Variants in CTCF observed in about 807,000 individuals in gnomAD.
CTCF encodes CCCTC-binding factor.
A neutral mutation model predicts 72.3 loss-of-function variants in CTCF; 7 were observed. The observed-to-expected ratio is 0.10, with a 90% confidence interval of 0.06 to 0.18. The LOEUF is 0.18. CTCF is among the 10% of genes least tolerant of loss of function. CTCF has a pLI of 1.00. For synonymous variants in CTCF, 374 were observed against 315.8 expected (o/e 1.18, Z -1.95); for missense variants, 516 against 949.1 (o/e 0.54, Z 6.00).
chr16:67,565,251 C>T (rs957494246), intron 1 of CTCF, among the ~76,000 whole-genome samples: 1 of 152,174 alleles, frequency 6.6e-6, no homozygotes, highest in Non-Finnish European at 1.5e-5. Context: ...ATCCACCCGC[C>T]TCAGCCTCCC....
chr16:67,601,255 T>TG (rs1491534855), intron 2 of CTCF, among the ~76,000 whole-genome samples: 31 of 126,522 alleles, frequency 2.5e-4, no homozygotes, highest in African/African-American at 8.5e-4. Flanking sequence ...TGTGTGTGTG[T>TG]TTTGTTTTGT....
At chr16:67,584,428 C>T (rs901431263) in intron 2 of CTCF, among the ~76,000 whole-genome samples, 1 of 148,548 alleles carries the variant, frequency 6.7e-6, no homozygotes, top group Admixed American at 6.7e-5. Context: ...GCAACCTCTG[C>T]CCCCCAGGTT....
chr16:67,564,832 T>C (rs1374128851), intron 1 of CTCF, among the ~76,000 whole-genome samples: 1 of 152,248 alleles, frequency 6.6e-6, no homozygotes, highest in Non-Finnish European at 1.5e-5. Flanking sequence ...GTCATCAGCT[T>C]CTTGGGTTTA....
rs189970885 is a variant in CTCF at position 67,637,303 on chromosome 16, G to A, written c.2000-385G>A. Among the ~76,000 whole-genome samples the A allele has an allele frequency of 7.7e-4, 118 of 152,286 alleles. 1 individual carries two copies. Among genetic ancestry groups the A allele is most frequent in the East Asian group, 6.0e-3 (31 of 5,180 alleles). On this transcript the variant is annotated intron_variant, in intron 11 of 11. Coordinates refer to ENST00000264010, the MANE Select transcript of CTCF (RefSeq NM_006565.4). ...TCCCAGCACTTTGGGGGGCCAAGGC[G>A]GGAGGATCACCTGAGGTCAGTAGTT...
rs1597735305 is a variant in CTCF at position 67,639,011 on chromosome 16, A to G, written c.*1139A>G. 4.9e-6 allele frequency: 1 copy of G among 203,166 alleles called. No homozygotes were observed. Among genetic ancestry groups the G allele is most frequent in the Non-Finnish European group, 1.0e-5 (1 of 98,636 alleles). 12.6% of individuals were successfully genotyped at this position (203,166 alleles called of 1,614,324 possible). On this transcript the variant is annotated 3_prime_UTR_variant, in exon 12 of 12. Transcript: ENST00000264010. ...CTTTTAAGAGAGCCATCAGTTAGCT[A>G]TCAGACTCTAGGTTGATGCATTTTG...
intron 2 of CTCF, among the ~76,000 whole-genome samples, chr16:67,578,990 C>T (rs1360098242): frequency 1.3e-5 from 2 of 151,034 alleles, no homozygotes; most frequent in African/African-American, 4.9e-5. Context: ...CGTGGTGGCT[C>T]ACGCCTGTAA....
At chr16:67,574,184 C>A (rs779929761) in intron 2 of CTCF, among the ~76,000 whole-genome samples, 3 of 152,144 alleles carry the variant, frequency 2.0e-5, no homozygotes, top group Non-Finnish European at 4.4e-5. Context: ...ACCACCTGTC[C>A]TTCCTACCAG....
chr16:67,622,724 A>G (rs1597722118), intron 7 of CTCF, among the ~76,000 whole-genome samples: 1 of 138,380 alleles, frequency 7.2e-6, no homozygotes, highest in Non-Finnish European at 1.5e-5. Context: ...GCTCACTGCC[A>G]CCTGTGCCTC....
At chr16:67,574,103 C>T (rs1200589602) in intron 2 of CTCF, among the ~76,000 whole-genome samples, 1 of 152,008 alleles carries the variant, frequency 6.6e-6, no homozygotes, top group Non-Finnish European at 1.5e-5. Context: ...TGTATGCCAA[C>T]TAGGTGTCAT....
At chr16:67,628,912 T>A (rs140837060) in intron 9 of CTCF, among the ~76,000 whole-genome samples, 4,684 of 151,982 alleles carry the variant, frequency 0.031, 88 homozygotes, top group Middle Eastern at 0.14. Context: ...TACAAAAAAT[T>A]AGCTGGGTGC....
At chr16:67,609,861 G>A (rs956297710) in intron 2 of CTCF, among the ~76,000 whole-genome samples, 3 of 151,654 alleles carry the variant, frequency 2.0e-5, no homozygotes, top group Admixed American at 6.6e-5. Context: ...CCTGACCTCC[G>A]GTAATCTGCC....
At chr16:67,581,335 T>C (rs2051578980) in intron 2 of CTCF, among the ~76,000 whole-genome samples, 1 of 151,498 alleles carries the variant, frequency 6.6e-6, no homozygotes, top group Non-Finnish European at 1.5e-5. Flanking sequence ...TTTCTTTTTT[T>C]TTTTTTTGAG....
chr16:67,576,046 A>T (rs1429239725), intron 2 of CTCF, among the ~76,000 whole-genome samples: 1 of 149,506 alleles, frequency 6.7e-6, no homozygotes, highest in Non-Finnish European at 1.5e-5. Flanking sequence ...CTGTAGTCTC[A>T]GCTACTTGGG....
intron 5 of CTCF, among the ~76,000 whole-genome samples, chr16:67,619,688 C>T (rs1205313159): frequency 6.6e-6 from 1 of 152,148 alleles, no homozygotes; most frequent in African/African-American, 2.4e-5. Context: ...TCAGGTGATC[C>T]TCCCACTTCA....
At chr16:67,580,925 TTTTA>T (rs573368745) in intron 2 of CTCF, among the ~76,000 whole-genome samples, 2 of 151,166 alleles carry the variant, frequency 1.3e-5, no homozygotes, top group African/African-American at 2.4e-5. Context: ...TTTACTTATT[TTTTA>T]TTTATTTATT....
intron 2 of CTCF, among the ~76,000 whole-genome samples, chr16:67,607,253 G>A (rs578134258): frequency 2.6e-5 from 4 of 151,866 alleles, no homozygotes; most frequent in Non-Finnish European, 5.9e-5. Flanking sequence ...CACCACGCCT[G>A]GCCCCTATTT....
At chr16:67,575,702 C>G (rs1005221397) in intron 2 of CTCF, among the ~76,000 whole-genome samples, 11 of 151,980 alleles carry the variant, frequency 7.2e-5, no homozygotes, top group Non-Finnish European at 4.4e-5. Context: ...CTTGGCCTCC[C>G]AAAGTGCTGG....
At chr16:67,630,506 G>C (rs751709491) in intron 10 of CTCF, among the ~76,000 whole-genome samples, 7 of 152,226 alleles carry the variant, frequency 4.6e-5, no homozygotes, top group Middle Eastern at 3.4e-3. Flanking sequence ...TGTAATCCCA[G>C]CACTTTGGGA....
intron 9 of CTCF, 68 bp from the exon 10 acceptor site, chr16:67,629,330 G>A (rs2052332063): frequency 1.8e-5 from 26 of 1,455,202 alleles, no homozygotes; most frequent in Non-Finnish European, 2.2e-5. Flanking sequence ...TTTTATTAAA[G>A]TAAATAACTT....
Sources: gnomAD v4.1 joint callset for allele counts (sites outside exome capture counted in the v4.1 genomes callset) on GRCh38, gnomAD v4.1.1 for gene constraint, MANE v1.5 for transcripts, NCBI Gene and HGNC (gene_info 2026-07-23, HGNC 2026-07-21) for gene names.